Variants in SAMD8 observed in about 807,000 individuals in gnomAD.
SAMD8 encodes the protein sphingomyelin synthase-related protein 1.
In SAMD8, 20 loss-of-function variants were observed where a neutral mutation model predicts 42.0. That is an observed-to-expected ratio of 0.48 (90% confidence interval 0.34 to 0.69). The LOEUF (loss-of-function observed/expected upper bound fraction) is 0.69. Among genes scored for constraint, SAMD8 ranks in the 30% least tolerant of loss-of-function variants. SAMD8 has a pLI of 0.01. For synonymous variants in SAMD8, 162 were observed against 173.0 expected, an observed-to-expected ratio of 0.94 and a Z score of 0.50; for missense variants, 328 against 511.6, an observed-to-expected ratio of 0.64 and a Z score of 3.46.
Position 75,147,145 on chromosome 10 carries a change from A to T in SAMD8, c.-15-3369A>T, listed in dbSNP as rs570460842. 6.6e-4 allele frequency among the ~76,000 whole-genome samples: 101 copies of T among 152,306 alleles called. No homozygotes were observed. The East Asian group carries it at 0.019, about 29-fold the overall frequency. On this transcript the variant is annotated intron_variant, in intron 1 of 5. Coordinates refer to ENST00000542569, the MANE Select transcript of SAMD8 (RefSeq NM_001174156.2). ...GAACTGGTGAGCTAAGACAGTGGAAAAAAACATATAAAAGAAGAGAAGAAT... is the reference window on the plus strand; with the variant it reads ...GAACTGGTGAGCTAAGACAGTGGAATAAAACATATAAAAGAAGAGAAGAAT...
chr10:75,124,428 C>T (rs1468812791), intron 1 of SAMD8, among the ~76,000 whole-genome samples: 3 of 152,062 alleles, frequency 2.0e-5, no homozygotes, highest in Admixed American at 1.3e-4. Context: ...GTCTGGCCAA[C>T]GTGGTGAAAC....
chr10:75,141,133 A>G (rs1052716439), intron 1 of SAMD8, among the ~76,000 whole-genome samples: 71 of 152,188 alleles, frequency 4.7e-4, no homozygotes, highest in Admixed American at 4.6e-3. Flanking sequence ...TCCTGAGCTC[A>G]GGAGTTCGAG....
chr10:75,126,372 ATTGAGAGC>A (rs1849133917), intron 1 of SAMD8, among the ~76,000 whole-genome samples: 1 of 152,192 alleles, frequency 6.6e-6, no homozygotes, highest in African/African-American at 2.4e-5. Flanking sequence ...CTGTAGAATC[ATTGAGAGC>A]AAGATCTGAT....
Position 75,111,704 on chromosome 10 carries a change from C to T in SAMD8, c.-34C>T, listed in dbSNP as rs1216671732. On this transcript the variant is annotated 5_prime_UTR_variant, in exon 1 of 6. Transcript: ENST00000542569. ...CCGACTCGGAGGTGGGTCCGGGGAG[C>T]CCGACTCGGACCGCGGAGGTGAGCG... is the stretch of plus-strand genomic sequence containing the variant. 2.4e-6 allele frequency: 3 copies of T among 1,234,652 alleles called. No homozygotes were observed. Among genetic ancestry groups the T allele is most frequent in the African/African-American group, 1.6e-5 (1 of 64,420 alleles). The allele number at this position is 1,234,652 out of a possible 1,614,324, so 76.5% of individuals were successfully genotyped here.
upstream of SAMD8, chr10:75,109,111 G>T: frequency 6.2e-7 from 1 of 1,611,548 alleles, no homozygotes; most frequent in East Asian, 2.2e-5. Flanking sequence ...GGGGCAAGGC[G>T]TGGCTTTGTC....
At chr10:75,118,992 A>G (rs1848944761) in intron 1 of SAMD8, among the ~76,000 whole-genome samples, 4 of 152,214 alleles carry the variant, frequency 2.6e-5, no homozygotes, top group Non-Finnish European at 1.5e-5. Flanking sequence ...CATCTATAAT[A>G]TATAATTGCC....
rs565522779 is a variant in SAMD8 at position 75,165,905 on chromosome 10, G to C, written c.674+1165G>C. ...GTGGGAGGATTGCTTGAGCCCAGGAGGTCAAGGTTGCAGTGAGCTGTGATT... is the reference window on the plus strand; with the variant it reads ...GTGGGAGGATTGCTTGAGCCCAGGACGTCAAGGTTGCAGTGAGCTGTGATT... On this transcript the variant is annotated intron_variant, in intron 3 of 5. Transcript: ENST00000542569. Among the ~76,000 whole-genome samples, 3 of 151,032 alleles carry C rather than the reference G, an allele frequency of 2.0e-5. No individual in the cohort carries two copies. In the South Asian group the frequency reaches 6.3e-4, roughly 32 times the overall value.
Position 75,150,886 on chromosome 10 carries a change from G to A in SAMD8, c.358G>A (p.Asp120Asn). 2 of 1,612,948 alleles carry A rather than the reference G, an allele frequency of 1.2e-6. No individual in the cohort carries two copies. The highest frequency in any genetic ancestry group is 1.7e-6 in the Non-Finnish European group (2 of 1,179,392). Residue 120 changes from aspartate (D) to asparagine (N), a missense_variant, in exon 2 of 6, where the codon GAC (aspartate) becomes AAC (asparagine). Asp to Asn is a conservative substitution (Grantham distance 23). Around this residue, in one of 2 missense-constraint regions of SAMD8, gnomAD observed 150 missense variants for 186.0 expected, o/e 0.81. Coordinates refer to ENST00000542569, the MANE Select transcript of SAMD8 (RefSeq NM_001174156.2). ...TAATGGGGAGCTTTCCCATGACTGT[G>A]ACGGACCCATAACTGACTTGAATTC... is the stretch of plus-strand genomic sequence containing the variant. The part of the protein sequence containing the change: ...LCNGELSHDC[D>N]GPITDLNSDQ...
intron 2 of SAMD8, among the ~76,000 whole-genome samples, chr10:75,155,580 CTA>C (rs1307789422): frequency 6.6e-6 from 1 of 151,992 alleles, no homozygotes; most frequent in African/African-American, 2.4e-5. Flanking sequence ...TCATCAGTGA[CTA>C]TGACAAGAGT....
intron 1 of SAMD8, chr10:75,101,766 A>AC: frequency 5.3e-6 from 4 of 748,170 alleles, no homozygotes; most frequent in South Asian, 2.8e-5. Context: ...CCCAACCCAA[A>AC]CCCCACCCCT....
chr10:75,114,102 G>A (rs1163896519), intron 1 of SAMD8, among the ~76,000 whole-genome samples: 1 of 152,226 alleles, frequency 6.6e-6, no homozygotes, highest in Admixed American at 6.5e-5. Context: ...TTAGGAGGCC[G>A]AAGCAGGCAG....
At chr10:75,119,824 G>A (rs762236258) in intron 1 of SAMD8, among the ~76,000 whole-genome samples, 1 of 152,206 alleles carries the variant, frequency 6.6e-6, no homozygotes, top group South Asian at 2.1e-4. Flanking sequence ...TCAGCACCTT[G>A]GGAGGCCGAG....
intron 1 of SAMD8, among the ~76,000 whole-genome samples, chr10:75,122,104 TAAAA>T (rs750336500): frequency 1.3e-5 from 2 of 152,162 alleles, no homozygotes; most frequent in Non-Finnish European, 2.9e-5. Context: ...ATCATTTTCT[TAAAA>T]AAACCTTTTC....
chr10:75,116,831 G>A (rs1848892443), intron 1 of SAMD8, among the ~76,000 whole-genome samples: 1 of 152,022 alleles, frequency 6.6e-6, no homozygotes, highest in Admixed American at 6.6e-5. Flanking sequence ...TTTATTTAGA[G>A]ACAGAGTCTC....
At chr10:75,151,238 A>T (rs1840281369) in intron 2 of SAMD8, 132 bp downstream of exon 2, 2 of 477,432 alleles carry the variant, frequency 4.2e-6, no homozygotes, top group Non-Finnish European at 7.0e-6. Context: ...ATCTGGCGGT[A>T]TAAAATGCTT....
intron 1 of SAMD8, among the ~76,000 whole-genome samples, chr10:75,117,093 AC>A (rs1156666327): frequency 6.6e-6 from 1 of 151,718 alleles, no homozygotes; most frequent in Non-Finnish European, 1.5e-5. Context: ...ACAGGCGTGA[AC>A]CACCGCAGCC....
intron 2 of SAMD8, among the ~76,000 whole-genome samples, chr10:75,152,530 A>G (rs1840314740): frequency 6.7e-6 from 1 of 148,640 alleles, no homozygotes; most frequent in South Asian, 2.1e-4. Context: ...TCAAAAAAAA[A>G]AAAAAGAAAA....
chr10:75,105,756 C>T (rs1179451191), intron 1 of SAMD8: 1 of 1,553,514 alleles, frequency 6.4e-7, no homozygotes, highest in South Asian at 1.2e-5. Flanking sequence ...ATCGGTGCTG[C>T]CTCACGGTGA....
chr10:75,174,203 C>T (rs1181838698), intron 4 of SAMD8, among the ~76,000 whole-genome samples: 1 of 152,076 alleles, frequency 6.6e-6, no homozygotes, highest in Admixed American at 6.6e-5. Flanking sequence ...GATCTCTGTT[C>T]ACTGCAAGCT....
Sources: gnomAD v4.1 joint callset for allele counts (sites outside exome capture counted in the v4.1 genomes callset) on GRCh38, gnomAD v4.1.1 for gene constraint, gnomAD v4.1.1 regional missense constraint, MANE v1.5 for transcripts, NCBI Gene and HGNC (gene_info 2026-07-23, HGNC 2026-07-21) for gene names.